SMN1: variants seen among roughly 807,000 people sequenced by gnomAD.
The protein encoded by SMN1 is survival motor neuron protein.
For synonymous variants in SMN1, 3 were observed against 5.1 expected, an observed-to-expected ratio of 0.58 and a Z score of 0.56; for missense variants, 15 against 17.1, an observed-to-expected ratio of 0.88 and a Z score of 0.22.
downstream of SMN1, among the ~76,000 whole-genome samples, chr5:70,956,786 C>A (rs548396854): frequency 4.0e-5 from 6 of 149,700 alleles, no homozygotes; most frequent in Non-Finnish European, 7.4e-5. Context: ...TTAGGATTGA[C>A]TTGGCGATGC....
chr5:70,958,821 G>A (rs183404027), downstream of SMN1, among the ~76,000 whole-genome samples: 1 of 150,178 alleles, frequency 6.7e-6, no homozygotes, highest in African/African-American at 2.4e-5. Context: ...CTGTAAACTG[G>A]TTCAACCATT....
downstream of SMN1, among the ~76,000 whole-genome samples, chr5:70,956,772 T>C (rs1475185015): frequency 1.3e-5 from 2 of 150,056 alleles, no homozygotes; most frequent in African/African-American, 4.9e-5. Flanking sequence ...TTTGTTCTTT[T>C]GGCTTAGGAT....
chr5:70,957,470 T>C (rs1284576168), downstream of SMN1, among the ~76,000 whole-genome samples: 1 of 148,870 alleles, frequency 6.7e-6, no homozygotes. Context: ...AGATAGCTCT[T>C]ATTATTTTGA....
At chr5:70,950,439 A>T (rs1243440177) in intron 7 of SMN1, among the ~76,000 whole-genome samples, 1 of 149,526 alleles carries the variant, frequency 6.7e-6, no homozygotes, top group Non-Finnish European at 1.5e-5. Flanking sequence ...GAAGAAAAAT[A>T]TTTTTTTAAA....
chr5:70,951,070 G>A (rs1421651363), intron 7 of SMN1, among the ~76,000 whole-genome samples: 15 of 151,760 alleles, frequency 9.9e-5, no homozygotes, highest in African/African-American at 2.2e-4. Context: ...CACTGTGACC[G>A]GCAATGTTTT....
At chr5:70,958,697 G>C (rs879279919), downstream of SMN1, among the ~76,000 whole-genome samples, 2,277 of 133,770 alleles carry the variant, frequency 0.017, 54 homozygotes, top group Non-Finnish European at 0.028. Flanking sequence ...TATAATTTCT[G>C]TTCTTTTACG....
At chr5:70,951,320 T>TCTGTCACCCA (rs1313458081) in intron 7 of SMN1, among the ~76,000 whole-genome samples, 2 of 151,334 alleles carry the variant, frequency 1.3e-5, no homozygotes, top group African/African-American at 4.8e-5. Flanking sequence ...TCACCCAGGC[T>TCTGTCACCCA]GGAGTGCAGT....
chr5:70,960,680 T>C, the SMN1 span, among the ~76,000 whole-genome samples: 4 of 135,156 alleles, frequency 3.0e-5, no homozygotes, highest in Admixed American at 7.7e-5. Context: ...AGTTAGATGA[T>C]GATGAGTCAT....
At chr5:70,958,944 G>A in the SMN1 span, among the ~76,000 whole-genome samples, 1 of 150,160 alleles carries the variant, frequency 6.7e-6, no homozygotes, top group Non-Finnish European at 1.5e-5. Context: ...CTGCTATGAA[G>A]ACACATGCAC....
At chr5:70,955,761 G>T (rs1372629223), downstream of SMN1, among the ~76,000 whole-genome samples, 1 of 147,642 alleles carries the variant, frequency 6.8e-6, no homozygotes, top group Non-Finnish European at 1.5e-5. Context: ...CTCCAGCCTG[G>T]GTGACTCAGT....
intron 7 of SMN1, among the ~76,000 whole-genome samples, chr5:70,950,644 G>GT (rs1379448621): frequency 0.011 from 1,244 of 112,070 alleles, 8 homozygotes; most frequent in African/African-American, 0.021. Flanking sequence ...TTTGTTTTTT[G>GT]TTTTTTTTTT....
At chr5:70,951,773 A>C (rs1183518054) in intron 7 of SMN1, among the ~76,000 whole-genome samples, 168 bp from the exon 8 acceptor site, 1 of 150,464 alleles carries the variant, frequency 6.6e-6, no homozygotes, top group Non-Finnish European at 1.5e-5. Context: ...TAACTTTTAA[A>C]GTACATTAAA....
downstream of SMN1, among the ~76,000 whole-genome samples, chr5:70,958,938 T>G (rs1161143995): frequency 4.0e-5 from 6 of 150,206 alleles, no homozygotes; most frequent in African/African-American, 1.2e-4. Context: ...ATCATGCTGC[T>G]ATGAAGACAC....
intron 7 of SMN1, among the ~76,000 whole-genome samples, chr5:70,950,183 C>T (rs2112822367): frequency 6.7e-6 from 1 of 150,168 alleles, no homozygotes; most frequent in East Asian, 2.0e-4. Flanking sequence ...TTTGGGAGGC[C>T]AAGGCGGGTG....
intron 8 of SMN1, 157 bp downstream of exon 8, chr5:70,952,151 A>G (rs1329915779): frequency 4.1e-6 from 6 of 1,467,672 alleles, no homozygotes; most frequent in South Asian, 1.4e-5. Flanking sequence ...TGCCAAAACT[A>G]TTAGATAAAA....
the SMN1 span, among the ~76,000 whole-genome samples, chr5:70,959,179 TCTC>T: frequency 6.7e-6 from 1 of 148,966 alleles, no homozygotes; most frequent in Non-Finnish European, 1.5e-5. Flanking sequence ...CACCGCATGT[TCTC>T]ACTCATAGGT....
the SMN1 span, among the ~76,000 whole-genome samples, chr5:70,960,222 A>G: frequency 2.7e-5 from 4 of 149,452 alleles, no homozygotes; most frequent in Non-Finnish European, 5.9e-5. Flanking sequence ...TTTTATTTTC[A>G]GAGTTTTTGC....
chr5:70,956,755 C>T (rs1400433757), downstream of SMN1, among the ~76,000 whole-genome samples: 4 of 150,012 alleles, frequency 2.7e-5, no homozygotes, highest in African/African-American at 9.8e-5. Flanking sequence ...AGCGTGATGC[C>T]TCCAGCTTTG....
At chr5:70,956,298 CT>C (rs1749902304), downstream of SMN1, among the ~76,000 whole-genome samples, 5 of 139,472 alleles carry the variant, frequency 3.6e-5, 1 homozygote, top group Non-Finnish European at 7.9e-5. Flanking sequence ...ATGGTAGTTT[CT>C]TTTGCTGTGC....
Sources: gnomAD v4.1 joint callset for allele counts (sites outside exome capture counted in the v4.1 genomes callset) on GRCh38, gnomAD v4.1.1 for gene constraint, MANE v1.5 for transcripts, NCBI Gene and HGNC (gene_info 2026-07-23, HGNC 2026-07-21) for gene names.